Variants in SORCS2 observed in about 807,000 individuals in gnomAD.
The protein encoded by SORCS2 is sortilin related VPS10 domain containing receptor 2.
SORCS2 carries 100 observed loss-of-function variants against 141.6 expected under a neutral mutation model. The ratio of observed to expected loss-of-function variants is 0.71; its 90% confidence interval spans 0.60 to 0.83. SORCS2 has a LOEUF of 0.83. SORCS2 is among the 40% of genes least tolerant of loss of function. The probability of loss-of-function intolerance (pLI) is 0.00; values close to 1 mark genes in which losing one functional copy is unlikely to be tolerated. For synonymous variants in SORCS2, 789 were observed against 676.9 expected, an observed-to-expected ratio of 1.17 and a Z score of -2.57; for missense variants, 1,646 against 1,560.2, an observed-to-expected ratio of 1.05 and a Z score of -0.93.
intron 1 of SORCS2, among the ~76,000 whole-genome samples, chr4:7,310,192 C>T (rs573220978): frequency 2.0e-5 from 3 of 152,294 alleles, no homozygotes; most frequent in African/African-American, 7.2e-5. Flanking sequence ...CTGGCTGGGC[C>T]TCCGCTGGGC....
At chr4:7,398,463 A>G (rs1724362557) in intron 2 of SORCS2, among the ~76,000 whole-genome samples, 1 of 152,234 alleles carries the variant, frequency 6.6e-6, no homozygotes. Context: ...AAGCAAATTG[A>G]CAGATTTTAA....
At chr4:7,304,799 A>C (rs1171068315) in intron 1 of SORCS2, among the ~76,000 whole-genome samples, 3 of 152,208 alleles carry the variant, frequency 2.0e-5, no homozygotes, top group Non-Finnish European at 4.4e-5. Context: ...CTCCAGCTGC[A>C]GAATCAAGCC....
intron 2 of SORCS2, among the ~76,000 whole-genome samples, chr4:7,527,603 C>G (rs1176694917): frequency 6.6e-6 from 1 of 152,196 alleles, no homozygotes; most frequent in Non-Finnish European, 1.5e-5. Flanking sequence ...CTCCTGCCCT[C>G]CAGAACTGTA....
At chr4:7,418,259 A>G (rs1351965053) in intron 2 of SORCS2, among the ~76,000 whole-genome samples, 1 of 152,188 alleles carries the variant, frequency 6.6e-6, no homozygotes, top group Non-Finnish European at 1.5e-5. Context: ...GGAGGCAGAC[A>G]AGTCACTGGG....
At chr4:7,584,603 C>G (rs951089637) in intron 3 of SORCS2, among the ~76,000 whole-genome samples, 7 of 152,184 alleles carry the variant, frequency 4.6e-5, no homozygotes, top group Admixed American at 1.3e-4. Flanking sequence ...ACTACTCTCA[C>G]TCTAAGAAAC....
At chr4:7,388,710 C>G (rs530216226) in intron 1 of SORCS2, among the ~76,000 whole-genome samples, 5 of 152,136 alleles carry the variant, frequency 3.3e-5, no homozygotes, top group African/African-American at 1.2e-4. Flanking sequence ...TTGAAGTGCC[C>G]TTGACCTCTC....
Position 7,659,399 on chromosome 4 carries a change from G to A in SORCS2, c.888-2101G>A, listed in dbSNP as rs1004934712. Among the ~76,000 whole-genome samples the A allele has an allele frequency of 3.9e-5, 6 of 152,128 alleles. No homozygotes were observed. In the East Asian group the frequency reaches 9.6e-4, roughly 24 times the overall value. ...TCCCTGCCTTCCCTGGAGGACCAGC[G>A]TATGAAGCCGTGACCCTAGGACATG... On this transcript the variant is annotated intron_variant, in intron 5 of 26. Coordinates refer to ENST00000507866, the MANE Select transcript of SORCS2 (RefSeq NM_020777.3).
intron 3 of SORCS2, among the ~76,000 whole-genome samples, chr4:7,588,123 C>A (rs900127991): frequency 1.3e-5 from 2 of 152,234 alleles, no homozygotes; most frequent in African/African-American, 4.8e-5. Flanking sequence ...CGCCGCCCAT[C>A]TGGGTCCCTC....
chr4:7,219,165 C>CTGTT (rs1560119235), intron 1 of SORCS2, among the ~76,000 whole-genome samples: 1 of 150,190 alleles, frequency 6.7e-6, no homozygotes, highest in East Asian at 2.0e-4. Flanking sequence ...ATCTTTTTGT[C>CTGTT]TATGCTGTGT....
intron 2 of SORCS2, among the ~76,000 whole-genome samples, chr4:7,502,674 G>C (rs573314195): frequency 2.0e-5 from 3 of 152,104 alleles, no homozygotes; most frequent in South Asian, 2.1e-4. Flanking sequence ...GAACGGGCGT[G>C]ACTTGCTTAA....
At chr4:7,469,281 G>T (rs1729828314) in intron 2 of SORCS2, among the ~76,000 whole-genome samples, 1 of 152,076 alleles carries the variant, frequency 6.6e-6, no homozygotes, top group South Asian at 2.1e-4. Context: ...TGGTGATGAT[G>T]ATGATGATGA....
chr4:7,619,032 G>T (rs1244965759), intron 3 of SORCS2, among the ~76,000 whole-genome samples: 1 of 152,086 alleles, frequency 6.6e-6, no homozygotes, highest in African/African-American at 2.4e-5. Flanking sequence ...AAAAGTACAG[G>T]TGTCAGACAC....
chr4:7,344,679 C>A (rs1560207823), intron 1 of SORCS2, among the ~76,000 whole-genome samples: 2 of 152,144 alleles, frequency 1.3e-5, no homozygotes, highest in Admixed American at 6.5e-5. Context: ...AGTCCTCCCA[C>A]ACTGGGCCAG....
intron 1 of SORCS2, among the ~76,000 whole-genome samples, chr4:7,250,188 C>A (rs1713397046): frequency 6.6e-6 from 1 of 152,010 alleles, no homozygotes; most frequent in South Asian, 2.1e-4. Context: ...GTTGCAGTGA[C>A]CTGAGATCGC....
chr4:7,350,909 C>T (rs1467096535), intron 1 of SORCS2, among the ~76,000 whole-genome samples: 1 of 152,160 alleles, frequency 6.6e-6, no homozygotes. Context: ...GCCCACCCAA[C>T]TTCATCTTCT....
At chr4:7,643,910 G>T (rs1720891938) in intron 4 of SORCS2, among the ~76,000 whole-genome samples, 1 of 152,166 alleles carries the variant, frequency 6.6e-6, no homozygotes, top group South Asian at 2.1e-4. Context: ...CTTGAGAACA[G>T]GGAAAAGATT....
In SORCS2 at chr4:7,316,310, A is replaced by T. The variant is rs193008776; in HGVS notation, c.481-79978A>T. ...TGTATCCATCCAAACAAACAAAAAAAATTTTTTTGGACATCTCTCATATCC... is the reference window on the plus strand; with the variant it reads ...TGTATCCATCCAAACAAACAAAAAATATTTTTTTGGACATCTCTCATATCC... On this transcript the variant is annotated intron_variant, in intron 1 of 26. Transcript: ENST00000507866. Among the ~76,000 whole-genome samples, 548 of 152,178 alleles carry T rather than the reference A, an allele frequency of 3.6e-3. 5 individuals carry two copies. The highest frequency in any genetic ancestry group is 0.013 in the African/African-American group (531 of 41,500).
intron 2 of SORCS2, among the ~76,000 whole-genome samples, chr4:7,414,312 G>T (rs111739478): frequency 1.3e-5 from 2 of 152,156 alleles, no homozygotes; most frequent in Admixed American, 1.3e-4. Context: ...CCTACCCCCG[G>T]GCATGCTGGG....
At chr4:7,329,428 G>A (rs1719499910) in intron 1 of SORCS2, among the ~76,000 whole-genome samples, 1 of 152,136 alleles carries the variant, frequency 6.6e-6, no homozygotes, top group Non-Finnish European at 1.5e-5. Flanking sequence ...CGGTGGCAAT[G>A]GTTAGTGTCT....
Sources: allele counts gnomAD v4.1 joint callset (sites outside exome capture counted in the v4.1 genomes callset), GRCh38; gene constraint gnomAD v4.1.1; transcripts MANE v1.5; gene names NCBI Gene and HGNC (gene_info 2026-07-23, HGNC 2026-07-21).